Variants in HECTD4 observed in about 807,000 individuals in gnomAD.
HECTD4 encodes the protein HECT domain E3 ubiquitin protein ligase 4.
HECTD4 carries 114 observed loss-of-function variants against 471.5 expected under a neutral mutation model. The observed-to-expected ratio is 0.24, with a 90% CI of 0.21 to 0.28. The LOEUF (loss-of-function observed/expected upper bound fraction) is 0.28. Ranked by LOEUF, HECTD4 falls within the 10% of genes least tolerant of loss-of-function variation. HECTD4 has a pLI of 1.00. For missense variants in HECTD4, 3,866 were observed against 5,651.5 expected, an observed-to-expected ratio of 0.68 and a Z score of 10.13; for synonymous variants, 2,012 against 2,256.0, an observed-to-expected ratio of 0.89 and a Z score of 3.07.
chr12:112,167,461 C>A lies in HECTD4; in HGVS notation c.12390G>T (p.Gly4130=). 6.2e-7 allele frequency: 1 copy of A among 1,613,336 alleles called. No homozygotes were observed. Among genetic ancestry groups the A allele is most frequent in the Non-Finnish European group, 8.5e-7 (1 of 1,179,584 alleles). Residue 4130 remains glycine, a synonymous_variant, in exon 72 of 76, where the codon GGG becomes GGT. Coordinates refer to ENST00000682272, the MANE Select transcript of HECTD4 (RefSeq NM_001388303.1). ...GCGGGACGTCTGCCCGAATTGCAATCCCCAGCAGCTGCCCCAGGAAGTGCA... is the reference window on the plus strand; with the variant it reads ...GCGGGACGTCTGCCCGAATTGCAATACCCAGCAGCTGCCCCAGGAAGTGCA... ...QLLHFLGQLL[G]IAIRADVPLP...
intron 9 of HECTD4, among the ~76,000 whole-genome samples, chr12:112,278,855 T>A (rs1264130599): frequency 6.6e-6 from 1 of 152,218 alleles, no homozygotes; most frequent in East Asian, 1.9e-4. Flanking sequence ...ATCATGCCAC[T>A]GCACTCCAGC....
At chr12:112,207,379 G>T (rs1417532880) in intron 52 of HECTD4, among the ~76,000 whole-genome samples, 1 of 151,908 alleles carries the variant, frequency 6.6e-6, no homozygotes, top group African/African-American at 2.4e-5. Flanking sequence ...CTGACCTCAG[G>T]TGATCCACCC....
rs768156477 is a variant in HECTD4 at position 112,200,805 on chromosome 12, T to C, written c.8407-7A>G. On this transcript the variant is annotated splice_region_variant and splice_polypyrimidine_tract_variant and intron_variant, in intron 54 of 75. Transcript: ENST00000682272. ...CCTGCACCAGTTCATTCACCTACAATAGGAAAAGAAAATGTCTGTTTGTGC... is the reference window on the plus strand; with the variant it reads ...CCTGCACCAGTTCATTCACCTACAACAGGAAAAGAAAATGTCTGTTTGTGC... 2.2e-5 allele frequency: 35 copies of C among 1,608,626 alleles called. No individual in the cohort carries two copies. The highest frequency in any genetic ancestry group is 2.0e-4 in the South Asian group (18 of 90,878).
In HECTD4 at chr12:112,170,396, C is replaced by G. The variant is rs2031166007; in HGVS notation, c.11989G>C (p.Val3997Leu). 1.2e-6 allele frequency: 2 copies of G among 1,614,010 alleles called. No homozygotes were observed. Among genetic ancestry groups the G allele is most frequent in the Middle Eastern group, 1.6e-4 (1 of 6,062 alleles). ...GCCGCGTGGTCCGCTGTCCTCTGCA[C>G]AGTGGCATTCAGCACTCGATTCATC... ...TVMNRVLNAT[V>L]QRTADHAAPE... The change falls in exon 69 of 76, where the codon GTG becomes CTG. Residue 3997 changes from valine (V) to leucine (L), a missense_variant. Val to Leu is a conservative substitution (Grantham distance 32). Transcript: ENST00000682272.
At chr12:112,232,244 C>A (rs2033399147) in intron 38 of HECTD4, among the ~76,000 whole-genome samples, 1 of 152,210 alleles carries the variant, frequency 6.6e-6, no homozygotes, top group Non-Finnish European at 1.5e-5. Context: ...GATTCTCCTG[C>A]CTCAGCCTCC....
chr12:112,170,149 A>G, intron 69 of HECTD4, 184 bp downstream of exon 69: 1 of 791,038 alleles, frequency 1.3e-6, no homozygotes, highest in Non-Finnish European at 2.0e-6. Flanking sequence ...TCCTTCTGCT[A>G]TGCCCCTTCC....
chr12:112,353,274 T>C (rs1333527768), intron 1 of HECTD4, among the ~76,000 whole-genome samples: 4 of 152,210 alleles, frequency 2.6e-5, no homozygotes, highest in African/African-American at 9.6e-5. Flanking sequence ...AAAGAACAGG[T>C]GAGGGATTCT....
chr12:112,187,584 A>AT (rs2031917789), intron 60 of HECTD4, among the ~76,000 whole-genome samples: 1 of 140,508 alleles, frequency 7.1e-6, no homozygotes, highest in Non-Finnish European at 1.6e-5. Flanking sequence ...ATGGATACTA[A>AT]TTTTGTATTT....
intron 1 of HECTD4, among the ~76,000 whole-genome samples, chr12:112,348,539 C>T (rs1451900172): frequency 6.6e-6 from 1 of 152,068 alleles, no homozygotes; most frequent in Non-Finnish European, 1.5e-5. Context: ...AGATGAATCG[C>T]TTGAGGCCAA....
intron 1 of HECTD4, among the ~76,000 whole-genome samples, chr12:112,325,701 T>A (rs751576034): frequency 6.6e-6 from 1 of 152,212 alleles, no homozygotes; most frequent in Admixed American, 6.5e-5. Context: ...TGTTACTAAC[T>A]GTACTTTGGT....
chr12:112,269,882 C>T (rs769989151), intron 12 of HECTD4, 33 bp from the exon 13 acceptor site: 15 of 1,582,902 alleles, frequency 9.5e-6, no homozygotes, highest in Admixed American at 1.7e-5. Context: ...TCTAAAAATG[C>T]TAATTCTACT....
intron 53 of HECTD4, 133 bp downstream of exon 53, chr12:112,204,353 T>A: frequency 1.2e-6 from 1 of 860,138 alleles, no homozygotes; most frequent in Non-Finnish European, 1.8e-6. Flanking sequence ...TGGGGCGGTG[T>A]GGAAGAGGTT....
intron 1 of HECTD4, among the ~76,000 whole-genome samples, chr12:112,335,263 G>A (rs2035930835): frequency 6.6e-6 from 1 of 152,150 alleles, no homozygotes; most frequent in South Asian, 2.1e-4. Flanking sequence ...ATTACTCTAA[G>A]TGAAGTAACT....
rs1237776931 is a variant in HECTD4, at chr12:112,239,220, G to A, written c.5122C>T (p.Leu1708=). Residue 1708 remains leucine (L), a synonymous_variant, in exon 34 of 76, where the codon CTG becomes TTG. Coordinates refer to ENST00000682272, the MANE Select transcript of HECTD4 (RefSeq NM_001388303.1). This position sits in a 1 kb window ranked among gnomAD's most constrained non-coding sequence, Gnocchi z 4.9. The part of the protein sequence containing the change: ...IPYTRSEEKC[L]VRSGLVQLMD... ...AGCTGCACAAGGCCACTGCGTACCA[G>A]GCACTTCTCTTCGCTCCTGACAAAG... The A allele has an allele frequency of 6.2e-7, 1 of 1,611,524 alleles. No individual in the cohort carries two copies. Among genetic ancestry groups the A allele is most frequent in the Non-Finnish European group, 8.5e-7 (1 of 1,178,880 alleles).
chr12:112,234,352 T>G (rs1452512917), intron 37 of HECTD4, among the ~76,000 whole-genome samples: 1 of 152,196 alleles, frequency 6.6e-6, no homozygotes. Context: ...CCTGCCATAA[T>G]CCCGCTTAGT....
chr12:112,323,971 TTC>T, intron 1 of HECTD4, among the ~76,000 whole-genome samples: 1 of 27,492 alleles, frequency 3.6e-5, no homozygotes, highest in South Asian at 1.2e-3. Flanking sequence ...TCTTTCTTCC[TTC>T]CTTCCTTCCT....
chr12:112,215,134 C>G (rs1350813590), intron 48 of HECTD4, among the ~76,000 whole-genome samples: 2 of 152,094 alleles, frequency 1.3e-5, no homozygotes, highest in Non-Finnish European at 2.9e-5. Flanking sequence ...GCCTGAGTGA[C>G]AGAGCAAGAC....
rs1048463771 is a variant in HECTD4 at position 112,213,611 on chromosome 12, G to A, written c.7466-961C>T. On this transcript the variant is annotated intron_variant, in intron 48 of 75. Transcript: ENST00000682272. This position sits in a 1 kb window ranked among gnomAD's most constrained non-coding sequence, Gnocchi z 4.0. The stretch of plus-strand genomic sequence containing the variant: ...TGAGGCAGAAGAATGGCGTGAACCC[G>A]GGAGGCGGAGGTTGCAGTGAGCCAA... Among the ~76,000 whole-genome samples, 13 of 151,520 alleles carry A rather than the reference G, an allele frequency of 8.6e-5. No individual in the cohort carries two copies. The highest frequency in any genetic ancestry group is 2.7e-4 in the African/African-American group (11 of 41,282).
Position 112,163,256 on chromosome 12 carries a change from G to A in HECTD4, c.12906C>T (p.Thr4302=), listed in dbSNP as rs760129905. 53 of 1,612,640 alleles carry A rather than the reference G, an allele frequency of 3.3e-5. No homozygotes were observed. Among genetic ancestry groups the A allele is most frequent in the Non-Finnish European group, 4.1e-5 (48 of 1,178,960 alleles). The change falls in exon 75 of 76, where the codon ACC becomes ACT. Residue 4302 remains threonine (T), a synonymous_variant. Coordinates refer to ENST00000682272, the MANE Select transcript of HECTD4 (RefSeq NM_001388303.1). The surrounding 1 kb of genome is among the most constrained non-coding windows in gnomAD (Gnocchi z 8.2). The part of the protein sequence containing the change: ...YINLEFLKAH[T]MYQVGLMETD... ...TCTCCATCAGCCCCACTTGGTACAT[G>A]GTGTGGGCCTGGGGAGGAGAGGTCC...
Sources: gnomAD v4.1 joint callset for allele counts (sites outside exome capture counted in the v4.1 genomes callset) on GRCh38, gnomAD v4.1.1 for gene constraint, Gnocchi (gnomAD v3.1) non-coding constraint, MANE v1.5 for transcripts, NCBI Gene and HGNC (gene_info 2026-07-23, HGNC 2026-07-21) for gene names.